CC2D1A: variants seen among roughly 807,000 people sequenced by gnomAD.
CC2D1A encodes the protein coiled-coil and C2 domain-containing protein 1A.
A neutral mutation model predicts 123.8 loss-of-function variants in CC2D1A; 68 were observed. The observed-to-expected ratio is 0.55, with a 90% confidence interval of 0.45 to 0.67. CC2D1A has a LOEUF of 0.67. Ranked by LOEUF, CC2D1A falls within the 30% of genes least tolerant of loss-of-function variation. The pLI is 0.00. For synonymous variants in CC2D1A, 477 were observed against 528.0 expected (o/e 0.90, Z 1.32); for missense variants, 1,185 against 1,290.3 (o/e 0.92, Z 1.25).
At chr19:13,926,626 G>A (rs745841626) in intron 18 of CC2D1A, 36 bp downstream of exon 18, 6 of 1,614,148 alleles carry the variant, frequency 3.7e-6, no homozygotes, top group Non-Finnish European at 4.2e-6. Flanking sequence ...GGGTCATGGG[G>A]ACCCCCTCTC....
rs761186609 is a variant in CC2D1A, at chr19:13,926,872, G to A, written c.2125G>A (p.Glu709Lys). ...TSVIKNTDSP[E>K]FKEQFKLCIN... The stretch of plus-strand genomic sequence containing the variant: ...TGTGATCAAGAACACAGACTCCCCT[G>A]GTGAGCCTCGGCTGGAAGCACCCTA... The change falls in exon 20 of 29, where the codon GAG (glutamate) becomes AAG (lysine). Residue 709 changes from glutamate (E) to lysine (K), a missense_variant and splice_region_variant. Physicochemically the swap from Glu to Lys is moderately conservative, Grantham distance 56. Transcript: ENST00000318003. 65 of 1,614,052 alleles carry A rather than the reference G, an allele frequency of 4.0e-5. No homozygotes were observed. The highest frequency in any genetic ancestry group is 5.3e-5 in the Non-Finnish European group (63 of 1,179,984).
In CC2D1A at chr19:13,930,078, A is replaced by G. The variant is rs1462913085; in HGVS notation, c.2711A>G (p.Glu904Gly). The change falls in exon 27 of 29, where the codon GAA (glutamate) becomes GGA (glycine). Residue 904 changes from glutamate to glycine, a missense_variant and splice_region_variant. Transcript: ENST00000318003. This position sits in a 1 kb window ranked among gnomAD's most constrained non-coding sequence, Gnocchi z 6.8. ...LEQGGVGIRR[E>G]YAAQLERQLQ... ...CCATTCCCCCGCCATCCATTCTCAGAATACGCAGCCCAGCTGGAGCGGCAG... is the reference window on the plus strand; with the variant it reads ...CCATTCCCCCGCCATCCATTCTCAGGATACGCAGCCCAGCTGGAGCGGCAG... 4.3e-6 allele frequency: 7 copies of G among 1,612,688 alleles called. No individual in the cohort carries two copies. In the South Asian group the frequency reaches 7.7e-5, roughly 18 times the overall value.
intron 6 of CC2D1A, among the ~76,000 whole-genome samples, chr19:13,913,860 TC>T (rs1971108288): frequency 6.6e-6 from 1 of 152,138 alleles, no homozygotes; most frequent in Non-Finnish European, 1.5e-5. Context: ...AAAATATAGA[TC>T]ACATTTGCCA....
intron 6 of CC2D1A, among the ~76,000 whole-genome samples, chr19:13,916,823 G>A (rs1971224882): frequency 1.3e-5 from 2 of 152,094 alleles, no homozygotes; most frequent in Admixed American, 1.3e-4. Context: ...CATTTTCTGG[G>A]TGTTTCCAGA....
At position 13,928,127 on chromosome 19, in the gene CC2D1A, G is replaced by A. The variant is rs745987033; in HGVS notation, c.2458G>A (p.Val820Ile). 8 of 1,613,566 alleles carry A rather than the reference G, an allele frequency of 5.0e-6. No homozygotes were observed. The highest frequency in any genetic ancestry group is 5.9e-6 in the Non-Finnish European group (7 of 1,179,916). ...DPVPAAVPTQ[V>I]AGPKGKAPPV... ...GGACTGGTTCTCTCCTCTGAAGCAG[G>A]TTGCTGGGCCCAAAGGGAAGGCCCC... The change falls in exon 24 of 29, where the codon GTT becomes ATT. Residue 820 changes from valine (V) to isoleucine (I), a missense_variant. Physicochemically the swap from Val to Ile is conservative, Grantham distance 29. Coordinates refer to ENST00000318003, the MANE Select transcript of CC2D1A (RefSeq NM_017721.5).
Position 13,919,161 on chromosome 19 carries a change from C to T in CC2D1A, c.1181C>T (p.Ala394Val), listed in dbSNP as rs200221980. The T allele has an allele frequency of 1.7e-5, 28 of 1,612,596 alleles. No homozygotes were observed. The highest frequency in any genetic ancestry group is 2.4e-5 in the Non-Finnish European group (28 of 1,179,538). ...QYQDAIRAHK[A>V]GRAVDVAELP... ...CAAGATGCCATCCGAGCCCACAAGGCTGGCCGAGCCGTGGATGTCGCTGAA... is the reference window on the plus strand; with the variant it reads ...CAAGATGCCATCCGAGCCCACAAGGTTGGCCGAGCCGTGGATGTCGCTGAA... The change falls in exon 11 of 29, where the codon GCT (alanine) becomes GTT (valine). Residue 394 changes from alanine to valine, a missense_variant. Physicochemically the swap from Ala to Val is moderately conservative, Grantham distance 64 (BLOSUM62 0). Coordinates refer to ENST00000318003, the MANE Select transcript of CC2D1A (RefSeq NM_017721.5).
rs373184021 is a variant in CC2D1A, at chr19:13,923,378, C to T, written c.1687C>T (p.Arg563Trp). ...CAAGGACGACTTTGCCCTGGTCCAG[C>T]GGCCTGGCCCGGGTCTGTCTCAGGA... ...VNKDDFALVQ[R>W]PGPGLSQEAA... is the part of the protein sequence containing the mutation. The change falls in exon 15 of 29, where the codon CGG (arginine) becomes TGG (tryptophan). Residue 563 changes from arginine to tryptophan, a missense_variant. By Grantham distance (101) the Arg-to-Trp change is moderately radical. Coordinates refer to ENST00000318003, the MANE Select transcript of CC2D1A (RefSeq NM_017721.5). This position sits in a 1 kb window ranked among gnomAD's most constrained non-coding sequence, Gnocchi z 5.3. 1.6e-5 allele frequency: 26 copies of T among 1,612,004 alleles called. No homozygotes were observed. The African/African-American group carries it at 2.0e-4, about 12-fold the overall frequency.
intron 25 of CC2D1A, 33 bp from the exon 26 acceptor site, chr19:13,929,501 C>T (rs1259675566): frequency 1.2e-6 from 2 of 1,612,514 alleles, no homozygotes; most frequent in Admixed American, 1.7e-5. Context: ...CAGGCCCAGG[C>T]AGGATCCTCA....
Position 13,913,269 on chromosome 19 carries a change from C to G in CC2D1A, c.480C>G (p.Ser160Arg). The change falls in exon 5 of 29, where the codon AGC becomes AGG. Residue 160 changes from serine (S) to arginine (R), a missense_variant. By Grantham distance (110) the Ser-to-Arg change is moderately radical (BLOSUM62 -1). Coordinates refer to ENST00000318003, the MANE Select transcript of CC2D1A (RefSeq NM_017721.5). ...AIESARQAGD[S>R]AKMRRYDRGL... ...AAAGCGCCAGACAAGCTGGAGACAG[C>G]GCCAAGATGCGGCGCTACGATCGGG... is the stretch of plus-strand genomic sequence containing the variant. 5 of 1,613,610 alleles carry G rather than the reference C, an allele frequency of 3.1e-6. No individual in the cohort carries two copies. Among genetic ancestry groups the G allele is most frequent in the Non-Finnish European group, 4.2e-6 (5 of 1,179,858 alleles).
chr19:13,910,065 C>T lies in CC2D1A; in HGVS notation c.196+107C>T, dbSNP rs573454510. On this transcript the variant is annotated intron_variant, in intron 2 of 28. Coordinates refer to ENST00000318003, the MANE Select transcript of CC2D1A (RefSeq NM_017721.5). Reference sequence around the variant, plus strand: ...TAGGGGAAAGAAGACAGAGAAGACCCCTGTTCTCCTGGAGCCAATGATCTG... The same window carrying T: ...TAGGGGAAAGAAGACAGAGAAGACCTCTGTTCTCCTGGAGCCAATGATCTG... The T allele has an allele frequency of 4.6e-5, 51 of 1,102,928 alleles. 1 individual carries two copies. In the African/African-American group the frequency reaches 7.1e-4, roughly 15 times the overall value. The allele number at this position is 1,102,928 out of a possible 1,614,324, so 68.3% of individuals were successfully genotyped here.
At chr19:13,907,268 T>G (rs1970792814) in intron 1 of CC2D1A, among the ~76,000 whole-genome samples, 1 of 151,920 alleles carries the variant, frequency 6.6e-6, no homozygotes, top group South Asian at 2.1e-4. Context: ...AAAGACTAAC[T>G]GGGCATGGTG....
rs529744250 is a variant in CC2D1A, at chr19:13,912,117, C to T, written c.197-206C>T. ...CCTTCTGCCTCGGCCTCCCAAAGTG[C>T]TGGGATTATAGGCGTGAGTCACTGT... is the stretch of plus-strand genomic sequence containing the variant. On this transcript the variant is annotated intron_variant, in intron 2 of 28. Coordinates refer to ENST00000318003, the MANE Select transcript of CC2D1A (RefSeq NM_017721.5). Among the ~76,000 whole-genome samples, 197 of 152,228 alleles carry T rather than the reference C, an allele frequency of 1.3e-3. 1 individual carries two copies. Among genetic ancestry groups the T allele is most frequent in the African/African-American group, 4.5e-3 (186 of 41,526 alleles).
rs201590156 is a variant in CC2D1A, at chr19:13,926,058, GTATA to G, written c.1941-454_1941-451del. ...TATATATATATACACGTATATATAT[GTATA>G]TATACACACACACACACACACACAC... On this transcript the variant is annotated intron_variant, in intron 17 of 28. Coordinates refer to ENST00000318003, the MANE Select transcript of CC2D1A (RefSeq NM_017721.5). Among the ~76,000 whole-genome samples, 9 of 98,982 alleles carry G rather than the reference GTATA, an allele frequency of 9.1e-5. 1 individual carries two copies. Among genetic ancestry groups the G allele is most frequent in the African/African-American group, 4.3e-4 (9 of 20,780 alleles). The allele number at this position is 98,982 out of a possible 152,430, so 64.9% of individuals were successfully genotyped here.
At position 13,906,622 on chromosome 19, in the gene CC2D1A, G is replaced by C; in HGVS notation, c.60+121G>C. On this transcript the variant is annotated intron_variant, in intron 1 of 28. Transcript: ENST00000318003. The surrounding 1 kb of genome is among the most constrained non-coding windows in gnomAD (Gnocchi z 4.1). ...GCCCCACAGGTAAGCCCCGGTCCCC[G>C]CCTCCCCCCAGGTGAGGCTCCAACA... The C allele has an allele frequency of 1.7e-6, 1 of 574,812 alleles. No individual in the cohort carries two copies. Among genetic ancestry groups the C allele is most frequent in the Non-Finnish European group, 2.9e-6 (1 of 349,556 alleles). 35.6% of individuals were successfully genotyped at this position (574,812 alleles called of 1,614,324 possible).
chr19:13,929,474 C>T, intron 25 of CC2D1A, 32 bp downstream of exon 25: 1 of 1,612,890 alleles, frequency 6.2e-7, no homozygotes, highest in Non-Finnish European at 8.5e-7. Context: ...CTACATGGGG[C>T]AGGACTGGGG....
At chr19:13,925,534 C>T (rs966369138) in intron 17 of CC2D1A, among the ~76,000 whole-genome samples, 2 of 151,656 alleles carry the variant, frequency 1.3e-5, no homozygotes, top group African/African-American at 2.4e-5. Context: ...GAGCAGAGAT[C>T]GCACTGCACT....
Position 13,922,565 on chromosome 19 carries a change from T to G in CC2D1A, c.1642-768T>G, listed in dbSNP as rs933222577. Reference sequence around the variant, plus strand: ...CTCTGCTCCTCCTCCCAGCTCTGCCTCTCCCTGTGGCATGTATCACCTTCT... The same window carrying G: ...CTCTGCTCCTCCTCCCAGCTCTGCCGCTCCCTGTGGCATGTATCACCTTCT... On this transcript the variant is annotated intron_variant, in intron 14 of 28. Transcript: ENST00000318003. Among the ~76,000 whole-genome samples the G allele has an allele frequency of 4.6e-5, 7 of 152,190 alleles. No individual in the cohort carries two copies. The East Asian group carries it at 5.8e-4, about 13-fold the overall frequency.
chr19:13,927,238 A>T lies in CC2D1A; in HGVS notation c.2289A>T (p.Ile763=), dbSNP rs1449659437. The T allele has an allele frequency of 6.2e-7, 1 of 1,614,100 alleles. No homozygotes were observed. The highest frequency in any genetic ancestry group is 8.5e-7 in the Non-Finnish European group (1 of 1,179,998). Residue 763 remains isoleucine, a synonymous_variant, in exon 22 of 29, where the codon ATA becomes ATT. Transcript: ENST00000318003. The part of the protein sequence containing the change: ...TAQLKLDALE[I]ACEVREILEV... Reference sequence around the variant, plus strand: ...AGCTGAAGCTGGATGCACTGGAGATAGCATGTGAGGTCCGGGAGATCCTTG... The same window carrying T: ...AGCTGAAGCTGGATGCACTGGAGATTGCATGTGAGGTCCGGGAGATCCTTG...
chr19:13,909,363 G>A (rs1225145166), intron 1 of CC2D1A, among the ~76,000 whole-genome samples: 1 of 151,514 alleles, frequency 6.6e-6, no homozygotes, highest in African/African-American at 2.4e-5. Flanking sequence ...GTGACAGAGC[G>A]AGACTCTGTG....
Sources: allele counts gnomAD v4.1 joint callset (sites outside exome capture counted in the v4.1 genomes callset), GRCh38; gene constraint gnomAD v4.1.1; non-coding constraint Gnocchi (gnomAD v3.1); transcripts MANE v1.5; gene names NCBI Gene and HGNC (gene_info 2026-07-23, HGNC 2026-07-21).